NSUN2: variants seen among roughly 807,000 people sequenced by gnomAD.
NSUN2 encodes NOP2/Sun RNA methyltransferase 2.
A neutral mutation model predicts 92.7 loss-of-function variants in NSUN2; 63 were observed. The ratio of observed to expected loss-of-function variants is 0.68; its 90% confidence interval spans 0.56 to 0.84. The LOEUF (loss-of-function observed/expected upper bound fraction) is 0.84. Among genes scored for constraint, NSUN2 ranks in the 40% least tolerant of loss-of-function variants. NSUN2 has a pLI of 0.00. For synonymous variants in NSUN2, 356 were observed against 348.3 expected, an observed-to-expected ratio of 1.02 and a Z score of -0.25; for missense variants, 989 against 964.9, an observed-to-expected ratio of 1.02 and a Z score of -0.33.
intron 3 of NSUN2, among the ~76,000 whole-genome samples, chr5:6,631,425 T>C (rs907092313): frequency 2.0e-5 from 3 of 152,192 alleles, no homozygotes; most frequent in African/African-American, 7.2e-5. Flanking sequence ...GTGCAGTCTG[T>C]ACTGCGAAGT....
At position 6,618,104 on chromosome 5, in the gene NSUN2, A is replaced by AAGTTACAAAACAAGTGTT. The variant is rs1579370376; in HGVS notation, c.816-98_816-81dup. 4.5e-6 allele frequency: 4 copies of AAGTTACAAAACAAGTGTT among 881,856 alleles called. No homozygotes were observed. In the Admixed American group the frequency reaches 6.2e-5, roughly 14 times the overall value. 54.6% of individuals were successfully genotyped at this position (881,856 alleles called of 1,614,324 possible). On this transcript the variant is annotated intron_variant, in intron 7 of 18. Coordinates refer to ENST00000264670, the MANE Select transcript of NSUN2 (RefSeq NM_017755.6). ...TTAACAGATATGTCACATACAAGCT[A>AAGTTACAAAACAAGTGTT]AGTTACAAAACAAGTGTTACAAATA...
At position 6,600,002 on chromosome 5, in the gene NSUN2, C is replaced by T; in HGVS notation, c.2228G>A (p.Ser743Asn). ...ACTGTTGGCCTCTTCTGCATCTGGGCTGTTGGGCTCTCCTGCTCTCTGTCC... is the reference window on the plus strand; with the variant it reads ...ACTGTTGGCCTCTTCTGCATCTGGGTTGTTGGGCTCTCCTGCTCTCTGTCC... Reference protein sequence around the residue: ...TEGQRAGEPNSPDAEEANSPD... With the variant: ...TEGQRAGEPNNPDAEEANSPD... Residue 743 changes from serine (S) to asparagine (N), a missense_variant, in exon 19 of 19, where the codon AGC (serine) becomes AAC (asparagine). Coordinates refer to ENST00000264670, the MANE Select transcript of NSUN2 (RefSeq NM_017755.6). 2 of 1,614,244 alleles carry T rather than the reference C, an allele frequency of 1.2e-6. No individual in the cohort carries two copies. Among genetic ancestry groups the T allele is most frequent in the Non-Finnish European group, 1.7e-6 (2 of 1,180,040 alleles).
intron 8 of NSUN2, 38 bp downstream of exon 8, chr5:6,617,912 T>C (rs773381500): frequency 4.7e-6 from 7 of 1,476,212 alleles, no homozygotes; most frequent in South Asian, 4.6e-5. Context: ...GCTGATCTAC[T>C]TGTCACACAG....
chr5:6,604,578 G>A, intron 16 of NSUN2, 27 bp downstream of exon 16: 1 of 1,595,314 alleles, frequency 6.3e-7, no homozygotes, highest in Non-Finnish European at 8.6e-7. Context: ...TGTGGCTACT[G>A]CTGTTCAAAT....
At chr5:6,609,286 G>T (rs944576782) in intron 12 of NSUN2, among the ~76,000 whole-genome samples, 1 of 152,178 alleles carries the variant, frequency 6.6e-6, no homozygotes, top group Non-Finnish European at 1.5e-5. Context: ...TTAGGATGAG[G>T]GCAACACTCC....
In NSUN2 at chr5:6,599,653, T is replaced by C. The variant is rs897459733; in HGVS notation, c.*273A>G. ...GATAGAAGTACAACTTTTGAAAGTC[T>C]ATTCCCAGCAAAAGAAACACTAGAC... On this transcript the variant is annotated 3_prime_UTR_variant, in exon 19 of 19. Transcript: ENST00000264670. 7.5e-6 allele frequency: 3 copies of C among 399,554 alleles called. No homozygotes were observed. The highest frequency in any genetic ancestry group is 4.4e-6 in the Non-Finnish European group (1 of 224,884). 24.8% of individuals were successfully genotyped at this position (399,554 alleles called of 1,614,324 possible).
intron 11 of NSUN2, 111 bp from the exon 12 acceptor site, chr5:6,610,033 T>C: frequency 2.8e-6 from 2 of 724,990 alleles, no homozygotes; most frequent in Non-Finnish European, 4.4e-6. Context: ...TCTTCGACCC[T>C]CACTCATAGA....
chr5:6,610,244 C>CT (rs1268625496), intron 11 of NSUN2, among the ~76,000 whole-genome samples: 217 of 146,110 alleles, frequency 1.5e-3, no homozygotes, highest in Middle Eastern at 3.5e-3. Flanking sequence ...TTGTATTTTT[C>CT]TTTTTTTTTT....
intron 11 of NSUN2, among the ~76,000 whole-genome samples, chr5:6,610,681 CT>C (rs1191864727): frequency 1.0e-5 from 1 of 100,132 alleles, no homozygotes; most frequent in African/African-American, 3.2e-5. Flanking sequence ...GAGACTCTCT[CT>C]CAAAAAAAAA....
intron 16 of NSUN2, 151 bp from the exon 17 acceptor site, chr5:6,604,427 C>A (rs111272561): frequency 2.1e-5 from 20 of 932,030 alleles, no homozygotes; most frequent in African/African-American, 9.9e-5. Flanking sequence ...CCCACCCCCC[C>A]CTAGGAGGGG....
At chr5:6,618,578 T>G (rs1579370760) in intron 7 of NSUN2, among the ~76,000 whole-genome samples, 1 of 152,240 alleles carries the variant, frequency 6.6e-6, no homozygotes, top group Admixed American at 6.5e-5. Flanking sequence ...AATGGCATTT[T>G]AATCAGAATT....
At chr5:6,607,737 G>A (rs1026773768) in intron 12 of NSUN2, among the ~76,000 whole-genome samples, 1 of 152,138 alleles carries the variant, frequency 6.6e-6, no homozygotes, top group Non-Finnish European at 1.5e-5. Flanking sequence ...AGTGCACCAA[G>A]CACGATTTCT....
rs1436616106 is a variant in NSUN2, at chr5:6,620,209, C to A, written c.712G>T (p.Val238Leu). 6.2e-7 allele frequency: 1 copy of A among 1,613,382 alleles called. No individual in the cohort carries two copies. The highest frequency in any genetic ancestry group is 1.7e-5 in the Admixed American group (1 of 59,872). ...AKRLSSPCIM[V>L]VNHDASSIPR... The stretch of plus-strand genomic sequence containing the variant: ...ATGCTGGAGGCATCATGGTTGACCA[C>A]CATGATGCAGGGGCTGCTCAGCCTC... The change falls in exon 7 of 19, where the codon GTG (valine) becomes TTG (leucine). Residue 238 changes from valine to leucine, a missense_variant. Val to Leu is a conservative substitution (Grantham distance 32). Around this residue, in one of 3 missense-constraint regions of NSUN2, gnomAD observed 356 missense variants for 338.6 expected, o/e 1.05. Transcript: ENST00000264670.
Position 6,605,378 on chromosome 5 carries a change from TG to T in NSUN2, c.1631del (p.Pro544GlnfsTer3). 2 of 1,614,180 alleles carry T rather than the reference TG, an allele frequency of 1.2e-6. No individual in the cohort carries two copies. The highest frequency in any genetic ancestry group is 1.7e-6 in the Non-Finnish European group (2 of 1,180,018). ...TAGTCCGAGTTAACAAATTCATCCTTGGGAATGAAGGATCCAAAGCATAAAA... is the reference window on the plus strand; with the variant it reads ...TAGTCCGAGTTAACAAATTCATCCTTGGAATGAAGGATCCAAAGCATAAAA... ...EKFYALDPSF[P>X]RMNLLTRTTE... On this transcript the variant is annotated frameshift_variant, in exon 15 of 19. Transcript: ENST00000264670. LOFTEE classifies it high-confidence loss of function.
intron 3 of NSUN2, among the ~76,000 whole-genome samples, chr5:6,627,428 A>G (rs765154892): frequency 6.6e-6 from 1 of 152,254 alleles, no homozygotes; most frequent in Non-Finnish European, 1.5e-5. Flanking sequence ...TAAGACATCA[A>G]TATGAACACC....
At chr5:6,613,990 G>A (rs750791824) in intron 9 of NSUN2, among the ~76,000 whole-genome samples, 24 of 151,416 alleles carry the variant, frequency 1.6e-4, no homozygotes, top group Non-Finnish European at 2.8e-4. Context: ...CCAGCTACTC[G>A]GGAGGCTGAG....
intron 14 of NSUN2, among the ~76,000 whole-genome samples, chr5:6,605,910 G>T (rs569852744): frequency 1.4e-4 from 21 of 152,084 alleles, no homozygotes; most frequent in Admixed American, 1.2e-3. Flanking sequence ...GGTCAGACTG[G>T]TCTCAAACTC....
rs1359370417 is a variant in NSUN2, at chr5:6,609,900, G to A, written c.1249C>T (p.Gln417Ter). Reference sequence around the variant, plus strand: ...GCCACAAAAAACCCTCCAGTATTCTGATGATGGGGTAATATCCTAAGGCTA... The same window carrying A: ...GCCACAAAAAACCCTCCAGTATTCTAATGATGGGGTAATATCCTAAGGCTA... The part of the protein sequence containing the change: ...ERCLRILPHH[Q>*]NTGGFFVAVL... The change falls in exon 12 of 19, where the codon CAG becomes TAG. Residue 417 changes from glutamine (Q) to a stop codon, truncating the protein, a stop_gained. Transcript: ENST00000264670. LOFTEE classifies it high-confidence loss of function. The A allele has an allele frequency of 1.2e-6, 2 of 1,612,620 alleles. No homozygotes were observed. Among genetic ancestry groups the A allele is most frequent in the Non-Finnish European group, 1.7e-6 (2 of 1,178,774 alleles).
intron 9 of NSUN2, among the ~76,000 whole-genome samples, chr5:6,615,164 A>G (rs1176777673): frequency 6.6e-6 from 1 of 152,058 alleles, no homozygotes; most frequent in African/African-American, 2.4e-5. Context: ...CCAGCCAAGA[A>G]TGCAGTGAGT....
Sources: allele counts gnomAD v4.1 joint callset (sites outside exome capture counted in the v4.1 genomes callset), GRCh38; gene constraint gnomAD v4.1.1; regional missense constraint gnomAD v4.1.1; transcripts MANE v1.5; gene names NCBI Gene and HGNC (gene_info 2026-07-23, HGNC 2026-07-21).